Variants in WDR3 observed in about 807,000 individuals in gnomAD.
WDR3 encodes WD repeat domain 3, also known as WD repeat-containing protein 3.
Under a neutral mutation model 123.7 loss-of-function variants are expected in WDR3, and 81 were observed. The observed-to-expected ratio is 0.65, with a 90% CI of 0.55 to 0.79. The LOEUF is 0.79. Among genes scored for constraint, WDR3 ranks in the 30% least tolerant of loss-of-function variants. The pLI, the probability that WDR3 is intolerant of heterozygous loss-of-function variation, is 0.00. For synonymous variants in WDR3, 390 were observed against 388.8 expected (o/e 1.00, Z -0.04); for missense variants, 1,027 against 1,123.2 (o/e 0.91, Z 1.22).
chr1:117,938,657 A>G, intron 5 of WDR3, 99 bp downstream of exon 5: 6 of 1,041,118 alleles, frequency 5.8e-6, no homozygotes, highest in Non-Finnish European at 7.1e-6. Context: ...TTTTTAGTGC[A>G]CACAGTAATT....
chr1:117,958,370 G>A (rs1652526623), intron 25 of WDR3, among the ~76,000 whole-genome samples: 1 of 152,014 alleles, frequency 6.6e-6, no homozygotes, highest in South Asian at 2.1e-4. Flanking sequence ...TATGGTATAC[G>A]TGCTATTGAA....
intron 12 of WDR3, among the ~76,000 whole-genome samples, chr1:117,946,383 C>G (rs555472320): frequency 2.8e-3 from 422 of 152,234 alleles, no homozygotes; most frequent in African/African-American, 1.0e-2. Flanking sequence ...AATCATGACC[C>G]TGAGATAACT....
intron 3 of WDR3, among the ~76,000 whole-genome samples, 153 bp downstream of exon 3, chr1:117,934,835 G>C (rs1004773144): frequency 1.3e-5 from 2 of 152,196 alleles, no homozygotes; most frequent in African/African-American, 4.8e-5. Context: ...GTGTGAATTG[G>C]GTGGTTCATT....
intron 5 of WDR3, 32 bp from the exon 6 acceptor site, chr1:117,939,444 AT>A (rs1462605325): frequency 1.2e-6 from 2 of 1,600,450 alleles, no homozygotes; most frequent in Non-Finnish European, 1.7e-6. Context: ...TCTCTTGAAA[AT>A]CGTATTACTC....
rs373131863 is a variant in WDR3 at position 117,964,236 on chromosome 1, CTTTT to C, written c.*4803_*4806del. 165 of 131,668 alleles carry C rather than the reference CTTTT, an allele frequency of 1.3e-3. No individual in the cohort carries two copies. Among genetic ancestry groups the C allele is most frequent in the East Asian group, 3.8e-3 (19 of 5,030 alleles). 8.2% of individuals were successfully genotyped at this position (131,668 alleles called of 1,614,324 possible). A position where few individuals can be genotyped will look rare whatever the true frequency, so the allele number is the denominator to read the frequency against. On this transcript the variant is annotated 3_prime_UTR_variant, in exon 27 of 27. Transcript: ENST00000349139. ...AACCATATCTACATCAGATTTCATG[CTTTT>C]TTTTTTTTTTTTTGGTGGGGAGAGG...
In WDR3 at chr1:117,959,464, C is replaced by T; in HGVS notation, c.*17C>T. ...TTGACTTAGAACTGAAATGTGGTAT[C>T]TTTTTTTTTTTCAACTTTTTCCTTT... On this transcript the variant is annotated 3_prime_UTR_variant, in exon 27 of 27. Coordinates refer to ENST00000349139, the MANE Select transcript of WDR3 (RefSeq NM_006784.3). 8.2e-7 allele frequency: 1 copy of T among 1,225,154 alleles called. No individual in the cohort carries two copies. The highest frequency in any genetic ancestry group is 1.6e-5 in the South Asian group (1 of 64,000). The allele number at this position is 1,225,154 out of a possible 1,614,324, so 75.9% of individuals were successfully genotyped here. A position where few individuals can be genotyped will look rare whatever the true frequency, so the allele number is the denominator to read the frequency against.
intron 4 of WDR3, among the ~76,000 whole-genome samples, chr1:117,937,351 T>TA (rs1405591576): frequency 6.6e-6 from 1 of 152,222 alleles, no homozygotes; most frequent in Non-Finnish European, 1.5e-5. Flanking sequence ...AATCATCAAA[T>TA]ATCAACAATT....
chr1:117,936,034 A>G (rs2101194426), intron 3 of WDR3, among the ~76,000 whole-genome samples: 1 of 152,134 alleles, frequency 6.6e-6, no homozygotes, highest in East Asian at 1.9e-4. Flanking sequence ...AATATTTCTC[A>G]TTTGTATTCA....
At position 117,961,255 on chromosome 1, in the gene WDR3, G is replaced by T. The variant is rs963385812; in HGVS notation, c.*1808G>T. 6.6e-6 allele frequency: 1 copy of T among 152,200 alleles called. No individual in the cohort carries two copies. The highest frequency in any genetic ancestry group is 2.4e-5 in the African/African-American group (1 of 41,460). 9.4% of individuals were successfully genotyped at this position (152,200 alleles called of 1,614,324 possible). On this transcript the variant is annotated 3_prime_UTR_variant, in exon 27 of 27. Transcript: ENST00000349139. ...CCAAGACAGTGCCACCAGCATTCCA[G>T]CCTGGGCAACACAGTGAGACTCCAT...
In WDR3 at chr1:117,959,316, G is replaced by A. The variant is rs757013785; in HGVS notation, c.2701G>A (p.Gly901Ser). Residue 901 changes from glycine (G) to serine (S), a missense_variant, in exon 27 of 27, where the codon GGT (glycine) becomes AGT (serine). Physicochemically the swap from Gly to Ser is moderately conservative, Grantham distance 56. Coordinates refer to ENST00000349139, the MANE Select transcript of WDR3 (RefSeq NM_006784.3). The stretch of plus-strand genomic sequence containing the variant: ...GGATGTTATCGGCTTCAATATGGCT[G>A]GTCTTGATTATCTCAAGAGGGAATG... ...VRDVIGFNMA[G>S]LDYLKRECEA... 22 of 1,613,074 alleles carry A rather than the reference G, an allele frequency of 1.4e-5. 1 individual carries two copies. In the South Asian group the frequency reaches 2.4e-4, roughly 18 times the overall value.
At position 117,952,081 on chromosome 1, in the gene WDR3, G is replaced by A. The variant is rs149832695; in HGVS notation, c.1904+5G>A. 329 of 1,610,520 alleles carry A rather than the reference G, an allele frequency of 2.0e-4. 4 individuals carry two copies. The East Asian group carries it at 5.8e-3, about 28-fold the overall frequency. ...TCTCTTTGCACATGATGACAGGTATGTATAGTCTTTTCAAATGTCTCCCTT... is the reference window on the plus strand; with the variant it reads ...TCTCTTTGCACATGATGACAGGTATATATAGTCTTTTCAAATGTCTCCCTT... On this transcript the variant is annotated splice_donor_5th_base_variant and intron_variant, in intron 17 of 26. Coordinates refer to ENST00000349139, the MANE Select transcript of WDR3 (RefSeq NM_006784.3).
chr1:117,938,903 A>G (rs1287246709), intron 5 of WDR3, among the ~76,000 whole-genome samples: 4 of 152,212 alleles, frequency 2.6e-5, no homozygotes, highest in South Asian at 4.1e-4. Flanking sequence ...GTAGCTGTTA[A>G]AATAGTTACT....
At chr1:117,943,713 C>T in intron 11 of WDR3, 87 bp downstream of exon 11, 4 of 1,131,390 alleles carry the variant, frequency 3.5e-6, no homozygotes, top group Non-Finnish European at 5.0e-6. Flanking sequence ...TTATTAACTC[C>T]TTAAGGCCCT....
chr1:117,955,405 T>G, intron 24 of WDR3, 47 bp downstream of exon 24: 1 of 1,553,464 alleles, frequency 6.4e-7, no homozygotes. Flanking sequence ...CAGCAAACAT[T>G]TATGAAGTGC....
At chr1:117,951,285 T>G (rs1022991702) in intron 16 of WDR3, among the ~76,000 whole-genome samples, 1 of 152,016 alleles carries the variant, frequency 6.6e-6, no homozygotes, top group African/African-American at 2.4e-5. Context: ...GTTACGGTAT[T>G]TTACACTATG....
In WDR3 at chr1:117,952,409, G is replaced by A; in HGVS notation, c.2016+1G>A. ...ATTTGAACACATACAGACTCTGGAGGTAACCACATGCCTTCTGTGCTTGCT... is the reference window on the plus strand; with the variant it reads ...ATTTGAACACATACAGACTCTGGAGATAACCACATGCCTTCTGTGCTTGCT... On this transcript the variant is annotated splice_donor_variant, in intron 18 of 26. Transcript: ENST00000349139. LOFTEE classifies it high-confidence loss of function. 2 of 1,610,342 alleles carry A rather than the reference G, an allele frequency of 1.2e-6. No individual in the cohort carries two copies. Among genetic ancestry groups the A allele is most frequent in the South Asian group, 1.1e-5 (1 of 90,180 alleles).
chr1:117,956,684 A>ATAGTG (rs1652247317), intron 24 of WDR3, among the ~76,000 whole-genome samples: 1 of 152,206 alleles, frequency 6.6e-6, no homozygotes, highest in South Asian at 2.1e-4. Context: ...CAAAATTAAA[A>ATAGTG]TAGTGTAGCA....
Position 117,933,360 on chromosome 1 carries a change from C to T in WDR3, c.41C>T (p.Ala14Val), listed in dbSNP as rs1255724526. ...CAGTACCTACGCTATGTTGCTAGTG[C>T]GGTCTTTGGCGTTATCGGCAGCCAA... ...TKQYLRYVAS[A>V]VFGVIGSQKG... Residue 14 changes from alanine to valine, a missense_variant, in exon 2 of 27, where the codon GCG becomes GTG. Coordinates refer to ENST00000349139, the MANE Select transcript of WDR3 (RefSeq NM_006784.3). 6 of 1,614,040 alleles carry T rather than the reference C, an allele frequency of 3.7e-6. No homozygotes were observed. Among genetic ancestry groups the T allele is most frequent in the Admixed American group, 1.7e-5 (1 of 60,008 alleles).
chr1:117,954,673 C>T (rs1651906642), intron 23 of WDR3, 46 bp downstream of exon 23: 1 of 1,572,258 alleles, frequency 6.4e-7, no homozygotes, highest in South Asian at 1.2e-5. Flanking sequence ...TAAAAGGTTA[C>T]TTACAAGGAC....
Sources: gnomAD v4.1 joint callset for allele counts (sites outside exome capture counted in the v4.1 genomes callset) on GRCh38, gnomAD v4.1.1 for gene constraint, MANE v1.5 for transcripts, NCBI Gene and HGNC (gene_info 2026-07-23, HGNC 2026-07-21) for gene names.